ZBBX: variants seen among roughly 807,000 people sequenced by gnomAD.
ZBBX encodes zinc finger B-box domain-containing protein 1.
Under a neutral mutation model 108.5 loss-of-function variants are expected in ZBBX, and 101 were observed. That is an observed-to-expected ratio of 0.93 (90% CI 0.79 to 1.10). The LOEUF is 1.10. Among genes scored for constraint, ZBBX ranks in the 50% least tolerant of loss-of-function variants. The pLI is 0.00. For missense variants in ZBBX, 1,009 were observed against 941.4 expected (o/e 1.07, Z -0.94); for synonymous variants, 356 against 323.4 (o/e 1.10, Z -1.08).
chr3:167,392,986 A>G (rs1338002987), intron 1 of ZBBX: 4 of 151,886 alleles, frequency 2.6e-5, no homozygotes, highest in Non-Finnish European at 5.9e-5. Flanking sequence ...AATGAGGAAT[A>G]AATGTAGGAT....
intron 15 of ZBBX, 141 bp downstream of exon 15, chr3:167,315,609 T>A: frequency 1.7e-6 from 1 of 604,142 alleles, no homozygotes; most frequent in Non-Finnish European, 3.0e-6. Context: ...TATTTAAGCA[T>A]GGGTTAAGTA....
chr3:167,219,481 G>A, the ZBBX span, among the ~76,000 whole-genome samples: 1 of 151,686 alleles, frequency 6.6e-6, no homozygotes, highest in Non-Finnish European at 1.5e-5. Flanking sequence ...GAGGAATTTT[G>A]GAAACTACAC....
chr3:167,252,690 G>A (rs1722822879), intron 20 of ZBBX, among the ~76,000 whole-genome samples: 1 of 152,134 alleles, frequency 6.6e-6, no homozygotes, highest in South Asian at 2.1e-4. Flanking sequence ...TACCAAGTGT[G>A]TGCTTGCTTT....
chr3:167,347,038 A>G (rs1315023732), intron 9 of ZBBX, among the ~76,000 whole-genome samples: 1 of 151,842 alleles, frequency 6.6e-6, no homozygotes, highest in East Asian at 1.9e-4. Flanking sequence ...CATAAACACT[A>G]TATCAGCTAT....
chr3:167,257,492 T>A (rs1214416916), intron 20 of ZBBX, among the ~76,000 whole-genome samples: 1 of 152,160 alleles, frequency 6.6e-6, no homozygotes, highest in African/African-American at 2.4e-5. Context: ...AACTTTTAGG[T>A]TCTCCCTATT....
At chr3:167,252,607 C>T in intron 20 of ZBBX, among the ~76,000 whole-genome samples, 1 of 150,580 alleles carries the variant, frequency 6.6e-6, no homozygotes, top group Non-Finnish European at 1.5e-5. Flanking sequence ...AAAAAAAATC[C>T]ATGTCTGCGT....
chr3:167,404,243 T>TCTCTATAA (rs1476578617), intron 1 of ZBBX, among the ~76,000 whole-genome samples: 1 of 152,162 alleles, frequency 6.6e-6, no homozygotes, highest in Admixed American at 6.6e-5. Context: ...TATTTCTAAG[T>TCTCTATAA]GTGCATGCTA....
At chr3:167,270,807 A>G (rs1343688725) in intron 20 of ZBBX, among the ~76,000 whole-genome samples, 2 of 152,236 alleles carry the variant, frequency 1.3e-5, no homozygotes, top group East Asian at 3.9e-4. Flanking sequence ...TTTGCTGGAA[A>G]AAGATGATTT....
chr3:167,302,997 T>C (rs1576940835), intron 17 of ZBBX, among the ~76,000 whole-genome samples: 2 of 152,282 alleles, frequency 1.3e-5, no homozygotes, highest in East Asian at 3.9e-4. Flanking sequence ...ATCTCTATAT[T>C]TCAAGGCTGT....
At chr3:167,378,900 T>C (rs552094695) in intron 2 of ZBBX, among the ~76,000 whole-genome samples, 25 of 152,324 alleles carry the variant, frequency 1.6e-4, no homozygotes, top group African/African-American at 6.0e-4. Flanking sequence ...TTAAACTCAT[T>C]TGCTATTGTA....
At position 167,240,563 on chromosome 3, in the gene ZBBX, A is replaced by G. The variant is rs921250024; in HGVS notation, c.*230T>C. On this transcript the variant is annotated 3_prime_UTR_variant, in exon 22 of 22. Coordinates refer to ENST00000675490, the MANE Select transcript of ZBBX (RefSeq NM_001199201.2). ...ACAGTTATTTCTTCAAATTCACCAT[A>G]TTTTACTAACATAATCTGCAATATA... 3.0e-6 allele frequency: 1 copy of G among 331,912 alleles called. No individual in the cohort carries two copies. The highest frequency in any genetic ancestry group is 5.5e-6 in the Non-Finnish European group (1 of 182,874). 20.6% of individuals were successfully genotyped at this position (331,912 alleles called of 1,614,324 possible).
At chr3:167,406,119 T>C (rs1172425521) in intron 1 of ZBBX, among the ~76,000 whole-genome samples, 1 of 152,224 alleles carries the variant, frequency 6.6e-6, no homozygotes, top group East Asian at 1.9e-4. Context: ...CTTTCATTAT[T>C]GTAGTTTGGC....
intron 1 of ZBBX, among the ~76,000 whole-genome samples, chr3:167,407,694 G>A (rs1417413211): frequency 6.6e-6 from 1 of 152,052 alleles, no homozygotes; most frequent in African/African-American, 2.4e-5. Flanking sequence ...AGTAAAGTAG[G>A]TAATTATAAG....
intron 20 of ZBBX, among the ~76,000 whole-genome samples, chr3:167,269,708 C>T (rs1387168342): frequency 3.3e-5 from 5 of 152,148 alleles, no homozygotes; most frequent in Non-Finnish European, 5.9e-5. Flanking sequence ...CAATACTGCC[C>T]GTCAAGAAAT....
chr3:167,304,570 C>T (rs772228066), intron 17 of ZBBX, among the ~76,000 whole-genome samples: 4 of 152,012 alleles, frequency 2.6e-5, no homozygotes, highest in South Asian at 2.1e-4. Context: ...TTAATAGGCA[C>T]GGATTAACAA....
intron 9 of ZBBX, among the ~76,000 whole-genome samples, chr3:167,348,342 A>G (rs2108484554): frequency 9.1e-6 from 1 of 109,850 alleles, no homozygotes; most frequent in South Asian, 3.1e-4. Flanking sequence ...GAAAGAAAGA[A>G]AGAAAGAAAG....
the ZBBX span, among the ~76,000 whole-genome samples, chr3:167,211,732 G>T: frequency 6.6e-6 from 1 of 151,790 alleles, no homozygotes; most frequent in Non-Finnish European, 1.5e-5. Context: ...GCTACTTTAA[G>T]CAGGTGCCTA....
At chr3:167,245,740 T>C (rs911248566) in intron 20 of ZBBX, among the ~76,000 whole-genome samples, 2 of 152,148 alleles carry the variant, frequency 1.3e-5, no homozygotes, top group Admixed American at 1.3e-4. Flanking sequence ...TGCTTCCCCT[T>C]CTGCCATGAT....
At chr3:167,388,801 G>A (rs1423962048) in intron 1 of ZBBX, among the ~76,000 whole-genome samples, 2 of 151,942 alleles carry the variant, frequency 1.3e-5, no homozygotes, top group African/African-American at 2.4e-5. Context: ...TCAAGCCAAT[G>A]AGACTCAAAG....
Sources: gnomAD v4.1 joint callset for allele counts (sites outside exome capture counted in the v4.1 genomes callset) on GRCh38, gnomAD v4.1.1 for gene constraint, MANE v1.5 for transcripts, NCBI Gene and HGNC (gene_info 2026-07-23, HGNC 2026-07-21) for gene names.